The following PLCG2 variants were observed in gnomAD, a reference collection of about 807,000 sequenced individuals.
PLCG2 encodes 1-phosphatidylinositol 4,5-bisphosphate phosphodiesterase gamma-2.
PLCG2 carries 69 observed loss-of-function variants against 175.6 expected under a neutral mutation model. The observed-to-expected ratio is 0.39, with a 90% CI of 0.32 to 0.48. The LOEUF is 0.48. Among genes scored for constraint, PLCG2 ranks in the 20% least tolerant of loss-of-function variants. PLCG2 has a pLI of 0.91. For synonymous variants in PLCG2, 827 were observed against 624.0 expected (o/e 1.33, Z -4.85); for missense variants, 1,798 against 1,650.9 (o/e 1.09, Z -1.54).
At chr16:81,931,404 G>T (rs1910496808) in intron 24 of PLCG2, 93 bp from the exon 25 acceptor site, 2 of 1,265,806 alleles carry the variant, frequency 1.6e-6, no homozygotes, top group African/African-American at 3.0e-5. Context: ...GTGGTGGTTG[G>T]TCCATGAGAG....
chr16:81,756,099 T>A (rs1484399904), intron 2 of PLCG2: 7 of 153,774 alleles, frequency 4.6e-5, no homozygotes, highest in Non-Finnish European at 2.9e-5. Flanking sequence ...GGCTTCCTGT[T>A]CAAAGCCACA....
intron 2 of PLCG2, among the ~76,000 whole-genome samples, chr16:81,798,094 G>T (rs111841794): frequency 2.6e-5 from 4 of 152,182 alleles, no homozygotes; most frequent in Non-Finnish European, 5.9e-5. Flanking sequence ...GCCTCCCAAA[G>T]TGTTGGGATT....
intron 30 of PLCG2, among the ~76,000 whole-genome samples, chr16:81,945,256 A>C (rs985857901): frequency 1.2e-4 from 19 of 152,244 alleles, no homozygotes; most frequent in African/African-American, 4.6e-4. Flanking sequence ...GGCACAGAGG[A>C]AACAGTGGGA....
rs4888192 is a variant in PLCG2 at position 81,938,684 on chromosome 16, A to C, written c.3199-117A>C. The C allele has an allele frequency of 0.28, 177,951 of 625,258 alleles. 31,251 individuals carry two copies. Among genetic ancestry groups the C allele is most frequent in the African/African-American group, 0.7 (38,202 of 54,376 alleles). 38.7% of individuals were successfully genotyped at this position (625,258 alleles called of 1,614,324 possible). A position where few individuals can be genotyped will look rare whatever the true frequency, so the allele number is the denominator to read the frequency against. ...CTCCGGCTTTTCCAGTGAATCTAGGAAAATTAGGGCTGGCATTGAACTCAT... is the reference window on the plus strand; with the variant it reads ...CTCCGGCTTTTCCAGTGAATCTAGGCAAATTAGGGCTGGCATTGAACTCAT... On this transcript the variant is annotated intron_variant, in intron 28 of 32. Coordinates refer to ENST00000564138, the MANE Select transcript of PLCG2 (RefSeq NM_002661.5).
chr16:81,760,726 CAT>C (rs1910020701), intron 2 of PLCG2, among the ~76,000 whole-genome samples: 1 of 138,596 alleles, frequency 7.2e-6, no homozygotes, highest in Non-Finnish European at 1.5e-5. Context: ...GCCTGGGCAA[CAT>C]AGTGAGACCC....
chr16:81,749,880 T>C (rs1325477662), intron 1 of PLCG2, among the ~76,000 whole-genome samples: 1 of 152,180 alleles, frequency 6.6e-6, no homozygotes, highest in African/African-American at 2.4e-5. Flanking sequence ...AGAGCTGAGA[T>C]GTCCCTCAAT....
chr16:81,760,481 C>T (rs1910014959), intron 2 of PLCG2, among the ~76,000 whole-genome samples: 1 of 152,112 alleles, frequency 6.6e-6, no homozygotes, highest in Non-Finnish European at 1.5e-5. Context: ...GCGTCCCTAC[C>T]CAAGCTGCAA....
intron 8 of PLCG2, among the ~76,000 whole-genome samples, chr16:81,882,164 C>CATT (rs1207164493): frequency 6.6e-6 from 1 of 152,192 alleles, no homozygotes; most frequent in African/African-American, 2.4e-5. Flanking sequence ...GAAACATACC[C>CATT]ATTACCCTGG....
At chr16:81,776,101 T>TTTTCTTTCTTTCTTTCTTTGTTTCTTTC (rs770091973), upstream of PLCG2, among the ~76,000 whole-genome samples, 1 of 55,310 alleles carries the variant, frequency 1.8e-5, no homozygotes, top group Non-Finnish European at 4.1e-5. Flanking sequence ...TTCTTTCTTT[T>TTTTCTTTCTTTCTTTCTTTGTTTCTTTC]TTTCCTTCTT....
chr16:81,806,522 C>T (rs1567474073), intron 2 of PLCG2, among the ~76,000 whole-genome samples: 1 of 152,034 alleles, frequency 6.6e-6, no homozygotes, highest in Non-Finnish European at 1.5e-5. Flanking sequence ...TGCTTTTGAC[C>T]CAGGCAGCAC....
intron 5 of PLCG2, among the ~76,000 whole-genome samples, chr16:81,868,848 C>G (rs1907372754): frequency 6.6e-6 from 1 of 152,246 alleles, no homozygotes; most frequent in South Asian, 2.1e-4. Flanking sequence ...GGGACATCAC[C>G]CTATACTGGG....
At chr16:81,937,614 T>C (rs1910767800) in intron 27 of PLCG2, 144 bp from the exon 28 acceptor site, 18 of 601,172 alleles carry the variant, frequency 3.0e-5, no homozygotes, top group Admixed American at 9.7e-5. Context: ...CCCTATATTT[T>C]CTTTGAGTGA....
chr16:81,899,289 T>TATATATATATATATACACACACACAC (rs908648451), intron 13 of PLCG2, among the ~76,000 whole-genome samples: 5 of 92,420 alleles, frequency 5.4e-5, no homozygotes, highest in African/African-American at 1.9e-4. Context: ...TATATATATA[T>TATATATATATATATACACACACACAC]ACACACACAC....
intron 2 of PLCG2, among the ~76,000 whole-genome samples, chr16:81,837,447 G>C (rs1905577982): frequency 1.3e-5 from 2 of 152,206 alleles, no homozygotes; most frequent in Non-Finnish European, 2.9e-5. Context: ...TTTCTAGCTG[G>C]GCGGGAAATA....
chr16:81,946,338 A>C lies in PLCG2; in HGVS notation c.3570+75A>C, dbSNP rs140070662. 501 of 1,034,618 alleles carry C rather than the reference A, an allele frequency of 4.8e-4. 1 individual carries two copies. The highest frequency in any genetic ancestry group is 3.0e-3 in the Middle Eastern group (13 of 4,322). The allele number at this position is 1,034,618 out of a possible 1,614,324, so 64.1% of individuals were successfully genotyped here. A position where few individuals can be genotyped will look rare whatever the true frequency, so the allele number is the denominator to read the frequency against. Reference sequence around the variant, plus strand: ...GAGGGTAGAAACGGCCCGTGAATACAATTGGCAGATGGACTTAAGCCCATT... The same window carrying C: ...GAGGGTAGAAACGGCCCGTGAATACCATTGGCAGATGGACTTAAGCCCATT... On this transcript the variant is annotated intron_variant, in intron 31 of 32. Coordinates refer to ENST00000564138, the MANE Select transcript of PLCG2 (RefSeq NM_002661.5).
At chr16:81,860,232 A>G (rs1906914088) in intron 5 of PLCG2, among the ~76,000 whole-genome samples, 1 of 150,298 alleles carries the variant, frequency 6.7e-6, no homozygotes, top group Non-Finnish European at 1.5e-5. Flanking sequence ...AAAAAAAGCA[A>G]ACGCAGTTTT....
At chr16:81,952,724 C>CTGAT (rs1277302658) in intron 31 of PLCG2, among the ~76,000 whole-genome samples, 1 of 152,122 alleles carries the variant, frequency 6.6e-6, no homozygotes, top group East Asian at 1.9e-4. Context: ...CAAATGAATT[C>CTGAT]TGATTAATAA....
At chr16:81,882,635 C>G (rs1169640191) in intron 8 of PLCG2, among the ~76,000 whole-genome samples, 3 of 152,048 alleles carry the variant, frequency 2.0e-5, no homozygotes, top group Non-Finnish European at 2.9e-5. Context: ...TCCCTCGCTC[C>G]TACTCCTCTT....
chr16:81,780,230 C>T (rs1910668512), intron 1 of PLCG2, among the ~76,000 whole-genome samples: 2 of 152,154 alleles, frequency 1.3e-5, no homozygotes, highest in South Asian at 2.1e-4. Flanking sequence ...ATTTCAGTTC[C>T]ATCAGTGGGA....
Sources: gnomAD v4.1 joint callset for allele counts (sites outside exome capture counted in the v4.1 genomes callset) on GRCh38, gnomAD v4.1.1 for gene constraint, MANE v1.5 for transcripts, NCBI Gene and HGNC (gene_info 2026-07-23, HGNC 2026-07-21) for gene names.